Variants in SEMA6D observed in about 807,000 individuals in gnomAD.
SEMA6D encodes semaphorin-6D.
SEMA6D carries 35 observed loss-of-function variants against 106.6 expected under a neutral mutation model. The observed-to-expected ratio is 0.33, with a 90% CI of 0.25 to 0.44. The LOEUF (loss-of-function observed/expected upper bound fraction) is 0.44. SEMA6D is among the 20% of genes least tolerant of loss of function. The pLI is 1.00. For synonymous variants in SEMA6D, 499 were observed against 487.7 expected (o/e 1.02, Z -0.31); for missense variants, 1,185 against 1,345.9 (o/e 0.88, Z 1.87).
intron 1 of SEMA6D, among the ~76,000 whole-genome samples, chr15:47,728,728 C>A (rs1342764466): frequency 6.6e-6 from 1 of 152,162 alleles, no homozygotes; most frequent in East Asian, 1.9e-4. Flanking sequence ...TGTGTCCTTG[C>A]CTTTTCCAGC....
intron 1 of SEMA6D, among the ~76,000 whole-genome samples, chr15:47,757,317 C>G (rs1282304295): frequency 6.6e-6 from 1 of 152,140 alleles, no homozygotes; most frequent in Non-Finnish European, 1.5e-5. Context: ...ATTATTTTTC[C>G]TGATATCCAG....
In SEMA6D at chr15:47,605,920, C is replaced by T. The variant is rs541883183; in HGVS notation, c.-55+5024C>T. On this transcript the variant is annotated intron_variant, in intron 4 of 19. Coordinates refer to the SEMA6D transcript ENST00000558014. Reference sequence around the variant, plus strand: ...AAGCACAATTAATTACATCACTGACCATTCAAGATTAACTCAATCTCTAAC... The same window carrying T: ...AAGCACAATTAATTACATCACTGACTATTCAAGATTAACTCAATCTCTAAC... Among the ~76,000 whole-genome samples the T allele has an allele frequency of 3.0e-4, 45 of 152,178 alleles. 1 individual carries two copies. The South Asian group carries it at 9.4e-3, about 32-fold the overall frequency.
chr15:47,553,182 G>A (rs952390597), intron 3 of SEMA6D, among the ~76,000 whole-genome samples: 4 of 151,572 alleles, frequency 2.6e-5, no homozygotes, highest in Non-Finnish European at 4.4e-5. Flanking sequence ...GGGATTACAG[G>A]CATGAGCCAC....
At chr15:47,408,613 A>C (rs1477502854) in intron 1 of SEMA6D, among the ~76,000 whole-genome samples, 2 of 152,220 alleles carry the variant, frequency 1.3e-5, no homozygotes, top group Non-Finnish European at 2.9e-5. Context: ...ATAAAATTGC[A>C]CAGAGAGATT....
At position 47,761,014 on chromosome 15, in the gene SEMA6D, C is replaced by T. The variant is rs1222151106; in HGVS notation, c.258C>T (p.Pro86=). Residue 86 remains proline (P), a synonymous_variant, in exon 4 of 19, where the codon CCC becomes CCT. Coordinates refer to ENST00000536845, the MANE Select transcript of SEMA6D (RefSeq NM_001358351.3). Reference sequence around the variant, plus strand: ...ATACAGTAAACTTAAATGAAATGCCCAAAACAGAAGTAATACCCAACAAGG... The same window carrying T: ...ATACAGTAAACTTAAATGAAATGCCTAAAACAGAAGTAATACCCAACAAGG... The part of the protein sequence containing the change: ...QVYTVNLNEM[P]KTEVIPNKKL... 1.2e-6 allele frequency: 2 copies of T among 1,613,326 alleles called. No homozygotes were observed. Among genetic ancestry groups the T allele is most frequent in the Admixed American group, 3.3e-5 (2 of 59,962 alleles).
chr15:47,551,072 T>C (rs945324507), intron 3 of SEMA6D, among the ~76,000 whole-genome samples: 2 of 152,222 alleles, frequency 1.3e-5, no homozygotes. Flanking sequence ...CGATAAGCTT[T>C]GCACCTGACA....
chr15:47,242,329 G>T (rs1284958156), intron 1 of SEMA6D, among the ~76,000 whole-genome samples: 3 of 151,830 alleles, frequency 2.0e-5, no homozygotes, highest in Non-Finnish European at 4.4e-5. Flanking sequence ...ACCCATTTTT[G>T]CCTGATTATC....
intron 3 of SEMA6D, among the ~76,000 whole-genome samples, chr15:47,494,768 ATATATATATATATATATATATAATC>A (rs2043591549): frequency 1.0e-5 from 1 of 95,990 alleles, no homozygotes; most frequent in African/African-American, 4.4e-5. Flanking sequence ...ATATATATAT[ATATATATATATATATATATATAATC>A]TCCAGATACA....
intron 4 of SEMA6D, among the ~76,000 whole-genome samples, chr15:47,619,663 A>G (rs2144147293): frequency 6.6e-6 from 1 of 152,312 alleles, no homozygotes; most frequent in East Asian, 1.9e-4. Flanking sequence ...TCTGTTTTTA[A>G]CAAGCCATCA....
chr15:47,399,074 T>C (rs891671265), intron 1 of SEMA6D, among the ~76,000 whole-genome samples: 1 of 152,222 alleles, frequency 6.6e-6, no homozygotes, highest in Admixed American at 6.5e-5. Flanking sequence ...GAGAATAGTT[T>C]ACAAATTCAC....
At chr15:47,469,104 T>G (rs2042750313) in intron 2 of SEMA6D, among the ~76,000 whole-genome samples, 1 of 152,206 alleles carries the variant, frequency 6.6e-6, no homozygotes, top group Non-Finnish European at 1.5e-5. Flanking sequence ...TAGTGGGAGC[T>G]GTCTGCCCAG....
chr15:47,271,467 G>A (rs571564797), intron 1 of SEMA6D, among the ~76,000 whole-genome samples: 1 of 152,198 alleles, frequency 6.6e-6, no homozygotes, highest in Non-Finnish European at 1.5e-5. Context: ...TGTGTTTTGG[G>A]AACATAGGGC....
intron 4 of SEMA6D, among the ~76,000 whole-genome samples, chr15:47,616,755 T>C (rs1423947764): frequency 6.6e-6 from 1 of 152,164 alleles, no homozygotes; most frequent in Non-Finnish European, 1.5e-5. Context: ...AATAAAAGAC[T>C]GTACACCCAG....
chr15:47,451,917 A>G (rs2042206277), intron 2 of SEMA6D, among the ~76,000 whole-genome samples: 1 of 151,996 alleles, frequency 6.6e-6, no homozygotes, highest in African/African-American at 2.4e-5. Flanking sequence ...TTGTATGTAA[A>G]TTATACCTCA....
intron 1 of SEMA6D, among the ~76,000 whole-genome samples, chr15:47,298,621 C>T (rs1034661991): frequency 6.6e-6 from 1 of 152,150 alleles, no homozygotes; most frequent in Admixed American, 6.5e-5. Context: ...AATGCTCCAT[C>T]AACTCTGTTT....
At chr15:47,456,451 T>C (rs1488253199) in intron 2 of SEMA6D, among the ~76,000 whole-genome samples, 1 of 151,984 alleles carries the variant, frequency 6.6e-6, no homozygotes, top group Non-Finnish European at 1.5e-5. Context: ...TCCTTAGAGA[T>C]ATCTGGAAAT....
At chr15:47,249,181 T>A (rs2033369037) in intron 1 of SEMA6D, among the ~76,000 whole-genome samples, 2 of 152,118 alleles carry the variant, frequency 1.3e-5, no homozygotes, top group South Asian at 2.1e-4. Flanking sequence ...TGAGCCAAGA[T>A]CATGCAACTG....
intron 1 of SEMA6D, among the ~76,000 whole-genome samples, chr15:47,327,868 A>C (rs1324405138): frequency 1.3e-5 from 2 of 152,186 alleles, no homozygotes; most frequent in African/African-American, 2.4e-5. Flanking sequence ...ATATTTATTG[A>C]ATGCCTACTA....
intron 1 of SEMA6D, among the ~76,000 whole-genome samples, chr15:47,269,198 A>G (rs2034452467): frequency 6.6e-6 from 1 of 152,124 alleles, no homozygotes; most frequent in Admixed American, 6.6e-5. Context: ...TAAATAATGT[A>G]TGCCTGTGTA....
Sources: allele counts gnomAD v4.1 joint callset (sites outside exome capture counted in the v4.1 genomes callset), GRCh38; gene constraint gnomAD v4.1.1; transcripts MANE v1.5; gene names NCBI Gene and HGNC (gene_info 2026-07-23, HGNC 2026-07-21).